The following PGAP1 variants were observed in gnomAD, a reference collection of about 807,000 sequenced individuals.
PGAP1 encodes the protein post-GPI attachment to proteins inositol deacylase 1.
In PGAP1, 76 loss-of-function variants were observed where a neutral mutation model predicts 127.0. The observed-to-expected ratio is 0.60, with a 90% CI of 0.50 to 0.72. The LOEUF (loss-of-function observed/expected upper bound fraction) is 0.72. Among genes scored for constraint, PGAP1 ranks in the 30% least tolerant of loss-of-function variants. The pLI, the probability that PGAP1 is intolerant of heterozygous loss-of-function variation, is 0.00. For synonymous variants in PGAP1, 362 were observed against 366.5 expected, an observed-to-expected ratio of 0.99 and a Z score of 0.14; for missense variants, 982 against 1,071.3, an observed-to-expected ratio of 0.92 and a Z score of 1.16.
At chr2:196,890,336 C>A (rs1702058181) in intron 10 of PGAP1, among the ~76,000 whole-genome samples, 1 of 152,072 alleles carries the variant, frequency 6.6e-6, no homozygotes, top group Non-Finnish European at 1.5e-5. Flanking sequence ...AAAAGAAACA[C>A]AAAAATCAAA....
chr2:196,844,449 T>TA (rs3839046), intron 24 of PGAP1, 75 bp downstream of exon 24: 118,478 of 835,314 alleles, frequency 0.14, 10 homozygotes, highest in East Asian at 0.17. Flanking sequence ...ATACTAACCT[T>TA]AAAAAAAAAA....
In PGAP1 at chr2:196,911,504, C is replaced by T. The variant is rs1470122638; in HGVS notation, c.649+1378G>A. Among the ~76,000 whole-genome samples, 62 of 92,144 alleles carry T rather than the reference C, an allele frequency of 6.7e-4. 1 individual carries two copies. The highest frequency in any genetic ancestry group is 1.0e-3 in the Non-Finnish European group (49 of 48,686). 60.5% of individuals were successfully genotyped at this position (92,144 alleles called of 152,430 possible). Reference sequence around the variant, plus strand: ...ATAGCATTGGGAGATATACCTAATGCTAGATGACACATTAGTGGGTGCAGC... The same window carrying T: ...ATAGCATTGGGAGATATACCTAATGTTAGATGACACATTAGTGGGTGCAGC... On this transcript the variant is annotated intron_variant, in intron 4 of 26. Transcript: ENST00000354764.
In PGAP1 at chr2:196,902,703, G is replaced by A. The variant is rs1380663755; in HGVS notation, c.689C>T (p.Ala230Val). Reference sequence around the variant, plus strand: ...AAGTGTGGTTAAATTTATGTGTCGAGCATTTAGAATCCAATAGTTGTTTAC... The same window carrying A: ...AAGTGTGGTTAAATTTATGTGTCGAACATTTAGAATCCAATAGTTGTTTAC... Reference protein sequence around the residue: ...TTVNNYWILNARHINLTTLSV... With the variant: ...TTVNNYWILNVRHINLTTLSV... The change falls in exon 5 of 27, where the codon GCT becomes GTT. Residue 230 changes from alanine (A) to valine (V), a missense_variant. Physicochemically the swap from Ala to Val is moderately conservative, Grantham distance 64. Coordinates refer to ENST00000354764, the MANE Select transcript of PGAP1 (RefSeq NM_024989.4). 2 of 1,612,184 alleles carry A rather than the reference G, an allele frequency of 1.2e-6. No homozygotes were observed. The highest frequency in any genetic ancestry group is 1.1e-5 in the South Asian group (1 of 90,908).
intron 1 of PGAP1, 152 bp from the exon 2 acceptor site, chr2:196,920,302 T>C: frequency 1.6e-6 from 1 of 643,118 alleles, no homozygotes; most frequent in East Asian, 2.8e-5. Context: ...AAACAAGTTC[T>C]ACTTGTAGTT....
At chr2:196,898,746 A>C (rs1702373506) in intron 5 of PGAP1, among the ~76,000 whole-genome samples, 1 of 152,200 alleles carries the variant, frequency 6.6e-6, no homozygotes, top group South Asian at 2.1e-4. Flanking sequence ...AAGACATTTT[A>C]GTAATTTAAA....
At chr2:196,902,824 T>G (rs967455741) in intron 4 of PGAP1, 82 bp from the exon 5 acceptor site, 2 of 1,024,424 alleles carry the variant, frequency 2.0e-6, no homozygotes, top group South Asian at 3.8e-5. Flanking sequence ...AATATTAATA[T>G]GTAACTGAAT....
In PGAP1 at chr2:196,893,243, T is replaced by C; in HGVS notation, c.930A>G (p.Ile310Met). 1 of 1,508,250 alleles carries C rather than the reference T, an allele frequency of 6.6e-7. No individual in the cohort carries two copies. The highest frequency in any genetic ancestry group is 9.2e-7 in the Non-Finnish European group (1 of 1,086,560). 93.4% of individuals were successfully genotyped at this position (1,508,250 alleles called of 1,614,324 possible). Residue 310 changes from isoleucine (I) to methionine (M), a missense_variant and splice_region_variant, in exon 8 of 27, where the codon ATA becomes ATG. Coordinates refer to ENST00000354764, the MANE Select transcript of PGAP1 (RefSeq NM_024989.4). ...ACAGTTTCTTCTTGGAATTTTGAGT[T>C]ATCTAGAAAGAACATTGATACATTC... ...FDLIDADTKQ[I>M]TQNSKKKLSV...
chr2:196,918,699 C>T (rs1434331781), intron 2 of PGAP1, among the ~76,000 whole-genome samples: 1 of 152,138 alleles, frequency 6.6e-6, no homozygotes, highest in Admixed American at 6.6e-5. Flanking sequence ...GACTGTGATT[C>T]TGTCAAGAAA....
At position 196,923,628 on chromosome 2, in the gene PGAP1, A is replaced by G. The variant is rs142604974; in HGVS notation, c.147+2842T>C. 1.1e-3 allele frequency among the ~76,000 whole-genome samples: 164 copies of G among 152,234 alleles called. No individual in the cohort carries two copies. The East Asian group carries it at 0.019, about 18-fold the overall frequency. ...ACTTTCTAAATAAATAACACACTTA[A>G]TAACAAAATATATGACTCATATTTT... On this transcript the variant is annotated intron_variant, in intron 1 of 26. Coordinates refer to ENST00000354764, the MANE Select transcript of PGAP1 (RefSeq NM_024989.4).
rs1408241983 is a variant in PGAP1 at position 196,835,991 on chromosome 2, TAAAA to T, written c.*5239_*5242del. On this transcript the variant is annotated 3_prime_UTR_variant, in exon 27 of 27. Coordinates refer to ENST00000354764, the MANE Select transcript of PGAP1 (RefSeq NM_024989.4). ...TAAATATTAAAAACAAAAATGACAT[TAAAA>T]AATAGCATATGAACTTTACAAAAAT... 6.6e-6 allele frequency: 1 copy of T among 152,014 alleles called. No homozygotes were observed. Among genetic ancestry groups the T allele is most frequent in the African/African-American group, 2.4e-5 (1 of 41,440 alleles). The allele number at this position is 152,014 out of a possible 1,614,324, so 9.4% of individuals were successfully genotyped here. A position where few individuals can be genotyped will look rare whatever the true frequency, so the allele number is the denominator to read the frequency against.
chr2:196,860,029 GA>G (rs887555886), intron 20 of PGAP1, among the ~76,000 whole-genome samples: 6 of 151,808 alleles, frequency 4.0e-5, no homozygotes, highest in African/African-American at 1.2e-4. Flanking sequence ...GCAAGAGAAA[GA>G]AAAAAAGTAC....
At position 196,839,553 on chromosome 2, in the gene PGAP1, G is replaced by A. The variant is rs1700347475; in HGVS notation, c.*1681C>T. The A allele has an allele frequency of 6.6e-6, 1 of 152,114 alleles. No individual in the cohort carries two copies. The highest frequency in any genetic ancestry group is 6.5e-5 in the Admixed American group (1 of 15,272). The allele number at this position is 152,114 out of a possible 1,614,324, so 9.4% of individuals were successfully genotyped here. On this transcript the variant is annotated 3_prime_UTR_variant, in exon 27 of 27. Coordinates refer to ENST00000354764, the MANE Select transcript of PGAP1 (RefSeq NM_024989.4). The stretch of plus-strand genomic sequence containing the variant: ...TTATCATTTCCCTTTAATGTTCTCA[G>A]TAAGTTAAAATATGAATACTGAAAA...
intron 20 of PGAP1, among the ~76,000 whole-genome samples, chr2:196,859,559 C>CA (rs1251977290): frequency 2.0e-5 from 3 of 151,586 alleles, no homozygotes; most frequent in South Asian, 2.1e-4. Context: ...AATAATACAA[C>CA]AAAAAAAGAA....
chr2:196,875,572 T>G lies in PGAP1; in HGVS notation c.1426+174A>C, dbSNP rs79298229. On this transcript the variant is annotated intron_variant, in intron 14 of 26. Transcript: ENST00000354764. ...AATGTATGTGATTATGGAAGTTCAC[T>G]TCTCAGAATATGACTGCTAGCCCAA... is the stretch of plus-strand genomic sequence containing the variant. 0.01 allele frequency among the ~76,000 whole-genome samples: 1,538 copies of G among 152,288 alleles called. 23 individuals are homozygous for G. Among genetic ancestry groups the G allele is most frequent in the African/African-American group, 0.035 (1,457 of 41,574 alleles).
rs1172699419 is a variant in PGAP1, at chr2:196,839,950, T to C, written c.*1284A>G. On this transcript the variant is annotated 3_prime_UTR_variant, in exon 27 of 27. Transcript: ENST00000354764. ...GATTTGGGCATTTACAGTCTACACATCTAGAAGAACTCTATAAGCCGGGTA... is the reference window on the plus strand; with the variant it reads ...GATTTGGGCATTTACAGTCTACACACCTAGAAGAACTCTATAAGCCGGGTA... The C allele has an allele frequency of 6.6e-6, 1 of 152,240 alleles. No individual in the cohort carries two copies. Among genetic ancestry groups the C allele is most frequent in the Non-Finnish European group, 1.5e-5 (1 of 68,050 alleles). 9.4% of individuals were successfully genotyped at this position (152,240 alleles called of 1,614,324 possible).
chr2:196,921,303 A>C (rs1204981901), intron 1 of PGAP1, among the ~76,000 whole-genome samples: 1 of 152,106 alleles, frequency 6.6e-6, no homozygotes, highest in African/African-American at 2.4e-5. Context: ...ACATCTGCAG[A>C]GACTGTAAGC....
chr2:196,845,632 G>C (rs995377179), intron 23 of PGAP1, among the ~76,000 whole-genome samples: 1 of 150,888 alleles, frequency 6.6e-6, no homozygotes, highest in African/African-American at 2.4e-5. Context: ...TAAGAAGCAA[G>C]CAGAAACAGA....
chr2:196,854,897 C>T (rs1700829444), intron 20 of PGAP1, among the ~76,000 whole-genome samples: 1 of 152,128 alleles, frequency 6.6e-6, no homozygotes, highest in Admixed American at 6.5e-5. Flanking sequence ...CCCACCTCAA[C>T]CTGCTGAATA....
intron 13 of PGAP1, among the ~76,000 whole-genome samples, chr2:196,879,205 C>G (rs1295691277): frequency 6.6e-6 from 1 of 152,192 alleles, no homozygotes; most frequent in Non-Finnish European, 1.5e-5. Flanking sequence ...TCCCAAGTAG[C>G]TGGGATTACA....
Sources: allele counts gnomAD v4.1 joint callset (sites outside exome capture counted in the v4.1 genomes callset), GRCh38; gene constraint gnomAD v4.1.1; transcripts MANE v1.5; gene names NCBI Gene and HGNC (gene_info 2026-07-23, HGNC 2026-07-21).